Variants in ATP2A2 observed in about 807,000 individuals in gnomAD.
The protein encoded by ATP2A2 is sarcoplasmic/endoplasmic reticulum calcium ATPase 2.
A neutral mutation model predicts 109.3 loss-of-function variants in ATP2A2; 14 were observed. That is an observed-to-expected ratio of 0.13 (90% CI 0.08 to 0.20). The LOEUF is 0.20. Ranked by LOEUF, ATP2A2 falls within the 10% of genes least tolerant of loss-of-function variation. ATP2A2 has a pLI of 1.00. For synonymous variants in ATP2A2, 506 were observed against 490.9 expected (o/e 1.03, Z -0.41); for missense variants, 657 against 1,321.6 (o/e 0.50, Z 7.80).
At position 110,339,880 on chromosome 12, in the gene ATP2A2, C is replaced by T. The variant is rs1879185103; in HGVS notation, c.1761+159C>T. Among the ~76,000 whole-genome samples, 1 of 152,212 alleles carries T rather than the reference C, an allele frequency of 6.6e-6. No homozygotes were observed. The highest frequency in any genetic ancestry group is 1.5e-5 in the Non-Finnish European group (1 of 68,026). On this transcript the variant is annotated intron_variant, in intron 13 of 19. Coordinates refer to ENST00000539276, the MANE Select transcript of ATP2A2 (RefSeq NM_170665.4). The surrounding 1 kb of genome is among the most constrained non-coding windows in gnomAD (Gnocchi z 4.4). ...CCAGCTGTGTCACCCTTAAAATTTG[C>T]TGCTTCAAACATACATAGTTAATAA...
At chr12:110,317,831 T>C (rs1478828803) in intron 5 of ATP2A2, among the ~76,000 whole-genome samples, 1 of 152,244 alleles carries the variant, frequency 6.6e-6, no homozygotes, top group Non-Finnish European at 1.5e-5. Flanking sequence ...TGTGCAAGTA[T>C]ACTGTGAGGA....
intron 6 of ATP2A2, among the ~76,000 whole-genome samples, chr12:110,323,444 C>G (rs1035843537): frequency 2.0e-5 from 3 of 152,164 alleles, no homozygotes; most frequent in African/African-American, 4.8e-5. Flanking sequence ...CTCGGCCTCC[C>G]AAAGTGCTGG....
chr12:110,311,497 G>A (rs1410119344), intron 5 of ATP2A2, among the ~76,000 whole-genome samples: 2 of 150,632 alleles, frequency 1.3e-5, no homozygotes, highest in African/African-American at 4.9e-5. Flanking sequence ...TCGGTAGGCC[G>A]AGGCAGGAGA....
At chr12:110,341,805 G>A (rs959095837) in intron 14 of ATP2A2, among the ~76,000 whole-genome samples, 3 of 152,186 alleles carry the variant, frequency 2.0e-5, no homozygotes, top group African/African-American at 4.8e-5. Flanking sequence ...CCCAGGAGGC[G>A]TGCAGTGAGC....
intron 3 of ATP2A2, among the ~76,000 whole-genome samples, chr12:110,284,306 G>A (rs947301814): frequency 1.3e-5 from 2 of 152,180 alleles, no homozygotes; most frequent in Non-Finnish European, 2.9e-5. Flanking sequence ...TGTAAGATTT[G>A]TATTTAACTG....
intron 5 of ATP2A2, among the ~76,000 whole-genome samples, chr12:110,307,040 T>G (rs1875420401): frequency 6.6e-6 from 1 of 151,950 alleles, no homozygotes; most frequent in African/African-American, 2.4e-5. Flanking sequence ...ATTACAGGTG[T>G]GAGCCACCAC....
rs985819971 is a variant in ATP2A2, at chr12:110,346,797, G to A, written c.*327G>A. 54 of 1,134,918 alleles carry A rather than the reference G, an allele frequency of 4.8e-5. No individual in the cohort carries two copies. Among genetic ancestry groups the A allele is most frequent in the Non-Finnish European group, 5.7e-5 (53 of 921,864 alleles). 70.3% of individuals were successfully genotyped at this position (1,134,918 alleles called of 1,614,324 possible). A position where few individuals can be genotyped will look rare whatever the true frequency, so the allele number is the denominator to read the frequency against. On this transcript the variant is annotated 3_prime_UTR_variant, in exon 20 of 20. Transcript: ENST00000539276. The stretch of plus-strand genomic sequence containing the variant: ...ATAGTTGAGCCAGCAGACATTGTCA[G>A]CAAATTAATTGGCAGCAGATTTTAG...
At chr12:110,283,987 C>T (rs1872417768) in intron 3 of ATP2A2, among the ~76,000 whole-genome samples, 1 of 152,190 alleles carries the variant, frequency 6.6e-6, no homozygotes, top group African/African-American at 2.4e-5. Flanking sequence ...ATAATTTTTA[C>T]ATAAATCCTG....
Position 110,350,379 on chromosome 12 carries a change from A to G in ATP2A2, c.*3909A>G, listed in dbSNP as rs952184733. 1.4e-5 allele frequency: 22 copies of G among 1,611,150 alleles called. No individual in the cohort carries two copies. The highest frequency in any genetic ancestry group is 1.6e-5 in the Non-Finnish European group (19 of 1,177,342). ...CATGTGCGTTTTTAGCAACACATCTACCAACCCTGTGCATGACTGATGTTG... is the reference window on the plus strand; with the variant it reads ...CATGTGCGTTTTTAGCAACACATCTGCCAACCCTGTGCATGACTGATGTTG... On this transcript the variant is annotated 3_prime_UTR_variant, in exon 20 of 20. Coordinates refer to ENST00000539276, the MANE Select transcript of ATP2A2 (RefSeq NM_170665.4).
intron 5 of ATP2A2, among the ~76,000 whole-genome samples, chr12:110,297,940 T>C (rs1228041927): frequency 6.6e-6 from 1 of 152,088 alleles, no homozygotes; most frequent in African/African-American, 2.4e-5. Flanking sequence ...ACAACACCCC[T>C]GGGACCAACC....
At chr12:110,320,191 T>G (rs867423280) in intron 5 of ATP2A2, among the ~76,000 whole-genome samples, 69 of 152,332 alleles carry the variant, frequency 4.5e-4, no homozygotes, top group African/African-American at 1.5e-3. Context: ...TATCCTCTTG[T>G]AGGTTGTACT....
intron 11 of ATP2A2, among the ~76,000 whole-genome samples, chr12:110,335,161 C>T (rs1878723022): frequency 6.6e-6 from 1 of 152,166 alleles, no homozygotes; most frequent in Admixed American, 6.5e-5. Context: ...TCTCAAAGAG[C>T]TGCTGCTCCC....
Position 110,349,408 on chromosome 12 carries a change from C to A in ATP2A2, c.*2938C>A. On this transcript the variant is annotated 3_prime_UTR_variant, in exon 20 of 20. Coordinates refer to ENST00000539276, the MANE Select transcript of ATP2A2 (RefSeq NM_170665.4). ...AGCCATCAGTGTCGCTTGTTGCCAC[C>A]CCGTGCCTCCCTTGGCCTCTCTGAG... 1.0e-6 allele frequency: 1 copy of A among 985,572 alleles called. No individual in the cohort carries two copies. The allele number at this position is 985,572 out of a possible 1,614,324, so 61.1% of individuals were successfully genotyped here.
At chr12:110,335,292 AT>A (rs1201380425) in intron 11 of ATP2A2, among the ~76,000 whole-genome samples, 1 of 152,202 alleles carries the variant, frequency 6.6e-6, no homozygotes, top group Non-Finnish European at 1.5e-5. Context: ...CTGGTGAAGA[AT>A]GGCCATCCAT....
rs12306206 is a variant in ATP2A2 at position 110,296,568 on chromosome 12, C to G, written c.325-31C>G. On this transcript the variant is annotated intron_variant, in intron 4 of 19. Coordinates refer to ENST00000539276, the MANE Select transcript of ATP2A2 (RefSeq NM_170665.4). ...GAAATAATTGCAGTGTCAGGCAGGT[C>G]TTTACTACTCTTCTGTTTTCTTTTA... is the stretch of plus-strand genomic sequence containing the variant. The G allele has an allele frequency of 4.8e-3, 7,748 of 1,613,736 alleles. 265 individuals are homozygous for G. The African/African-American group carries it at 0.082, about 17-fold the overall frequency.
intron 5 of ATP2A2, among the ~76,000 whole-genome samples, chr12:110,310,000 C>G (rs575169297): frequency 1.2e-4 from 18 of 151,848 alleles, no homozygotes; most frequent in Non-Finnish European, 2.5e-4. Context: ...AAATATTTCT[C>G]CGGATGGATG....
chr12:110,334,521 G>A (rs1425890672), intron 11 of ATP2A2, among the ~76,000 whole-genome samples: 4 of 150,004 alleles, frequency 2.7e-5, no homozygotes, highest in Non-Finnish European at 5.9e-5. Flanking sequence ...TTTCTATCTT[G>A]AAACTTTCCT....
chr12:110,345,070 G>T, intron 17 of ATP2A2, 99 bp downstream of exon 17: 1 of 1,498,526 alleles, frequency 6.7e-7, no homozygotes, highest in Non-Finnish European at 9.3e-7. Context: ...TTAAGACTCA[G>T]ACAATAAACA....
Position 110,346,192 on chromosome 12 carries a change from G to A in ATP2A2, c.2860-9G>A, listed in dbSNP as rs749280256. 2.4e-5 allele frequency: 38 copies of A among 1,606,792 alleles called. No homozygotes were observed. The African/African-American group carries it at 5.0e-4, about 21-fold the overall frequency. ...GCTGGAGGCGTGACACGTCTTCCCT[G>A]TGTGTCAGCTCATCTTCCAGATCAC... On this transcript the variant is annotated splice_polypyrimidine_tract_variant and intron_variant, in intron 19 of 19. Coordinates refer to ENST00000539276, the MANE Select transcript of ATP2A2 (RefSeq NM_170665.4).
Sources: allele counts gnomAD v4.1 joint callset (sites outside exome capture counted in the v4.1 genomes callset), GRCh38; gene constraint gnomAD v4.1.1; non-coding constraint Gnocchi (gnomAD v3.1); transcripts MANE v1.5; gene names NCBI Gene and HGNC (gene_info 2026-07-23, HGNC 2026-07-21).